CCDC68: variants seen among roughly 807,000 people sequenced by gnomAD.
CCDC68 encodes coiled-coil domain containing 68.
CCDC68 carries 45 observed loss-of-function variants against 47.1 expected under a neutral mutation model. The observed-to-expected ratio is 0.96, with a 90% confidence interval of 0.75 to 1.23. The LOEUF (loss-of-function observed/expected upper bound fraction) is 1.23, where lower values mean the gene tolerates loss of function less well. Ranked by LOEUF, CCDC68 falls within the 50% of genes most tolerant of loss-of-function variation. The probability of loss-of-function intolerance (pLI) is 0.00; values close to 1 mark genes in which losing one functional copy is unlikely to be tolerated. For synonymous variants in CCDC68, 131 were observed against 129.5 expected (o/e 1.01, Z -0.08); for missense variants, 353 against 373.6 (o/e 0.94, Z 0.45).
At position 54,916,811 on chromosome 18, in the gene CCDC68, C is replaced by T. The variant is rs545723376; in HGVS notation, c.873+1102G>A. 1.3e-4 allele frequency among the ~76,000 whole-genome samples: 20 copies of T among 152,298 alleles called. No individual in the cohort carries two copies. The South Asian group carries it at 3.5e-3, about 27-fold the overall frequency. On this transcript the variant is annotated intron_variant, in intron 10 of 11. Coordinates refer to ENST00000591504, the MANE Select transcript of CCDC68 (RefSeq NM_025214.3). ...TCACCTTGAATTGTAATAATCCTCA[C>T]CTGTCAAGGGCAGGGCCAGGTGGAG...
chr18:54,938,194 G>A, intron 4 of CCDC68, 97 bp from the exon 5 acceptor site: 1 of 1,155,268 alleles, frequency 8.7e-7, no homozygotes, highest in Non-Finnish European at 1.2e-6. Context: ...TATCAAAGAA[G>A]CTTCAGATCA....
chr18:54,922,795 C>T (rs192765392), intron 8 of CCDC68, among the ~76,000 whole-genome samples: 76 of 152,050 alleles, frequency 5.0e-4, no homozygotes, highest in African/African-American at 1.6e-3. Context: ...CGAGATCAGC[C>T]TGGCCAACAT....
At chr18:54,929,024 G>C (rs1599056360) in intron 7 of CCDC68, 142 bp from the exon 8 acceptor site, 1 of 626,352 alleles carries the variant, frequency 1.6e-6, no homozygotes, top group Non-Finnish European at 2.8e-6. Context: ...AGGAAACCTG[G>C]CCAAGTATTC....
chr18:54,930,128 ATTTAATCTAGTAC>A (rs1242768625), intron 7 of CCDC68, among the ~76,000 whole-genome samples: 1 of 152,234 alleles, frequency 6.6e-6, no homozygotes, highest in Non-Finnish European at 1.5e-5. Context: ...TTTTTTAAAA[ATTTAATCTAGTAC>A]TCCTATACTA....
chr18:54,904,991 G>A (rs561686297), intron 11 of CCDC68, among the ~76,000 whole-genome samples: 6 of 152,230 alleles, frequency 3.9e-5, no homozygotes, highest in Admixed American at 1.3e-4. Flanking sequence ...TGGATGCAGT[G>A]GCTCATGACT....
intron 10 of CCDC68, among the ~76,000 whole-genome samples, chr18:54,908,724 A>C (rs928667627): frequency 2.0e-5 from 3 of 152,126 alleles, no homozygotes; most frequent in African/African-American, 7.2e-5. Flanking sequence ...TTCTAGTCGA[A>C]GTGCCTTTTT....
Position 54,945,448 on chromosome 18 carries a change from G to A in CCDC68, c.-73C>T, listed in dbSNP as rs1245195778. ...AACCTTGGTCTTTTAGAAGTTCAGA[G>A]ATGTTTCCATCATATTAAGACTGGC... On this transcript the variant is annotated 5_prime_UTR_variant, in exon 2 of 12. Transcript: ENST00000591504. 6.6e-6 allele frequency: 1 copy of A among 152,038 alleles called. No individual in the cohort carries two copies. Among genetic ancestry groups the A allele is most frequent in the African/African-American group, 2.4e-5 (1 of 41,394 alleles). 9.4% of individuals were successfully genotyped at this position (152,038 alleles called of 1,614,324 possible).
intron 4 of CCDC68, among the ~76,000 whole-genome samples, chr18:54,938,413 A>AAC (rs2044384630): frequency 6.6e-6 from 1 of 152,222 alleles, no homozygotes; most frequent in Admixed American, 6.5e-5. Context: ...TTTTTTTAAA[A>AAC]ATCTAAGTTG....
chr18:54,932,751 C>A (rs2044284807), intron 7 of CCDC68, among the ~76,000 whole-genome samples: 1 of 152,236 alleles, frequency 6.6e-6, no homozygotes, highest in African/African-American at 2.4e-5. Context: ...CTGCCAGGAT[C>A]TGAGCCACTG....
At chr18:54,945,286 CTAAT>C (rs1230389043) in intron 2 of CCDC68, 98 bp downstream of exon 2, 1 of 151,992 alleles carries the variant, frequency 6.6e-6, no homozygotes, top group Non-Finnish European at 1.5e-5. Context: ...TAGTAAATAA[CTAAT>C]AATTAAACTA....
chr18:54,917,773 G>A (rs533524223), intron 10 of CCDC68, 140 bp downstream of exon 10: 1 of 650,656 alleles, frequency 1.5e-6, no homozygotes, highest in East Asian at 2.8e-5. Flanking sequence ...TACTCGTAGT[G>A]TTATACAGGC....
chr18:54,942,847 A>C, intron 2 of CCDC68, 44 bp from the exon 3 acceptor site: 1 of 1,028,320 alleles, frequency 9.7e-7, no homozygotes, highest in Non-Finnish European at 1.5e-6. Context: ...GACTGTTTTG[A>C]TTGTATGATT....
At chr18:54,926,289 T>C (rs539314698) in intron 8 of CCDC68, among the ~76,000 whole-genome samples, 36 of 152,176 alleles carry the variant, frequency 2.4e-4, no homozygotes, top group Non-Finnish European at 4.4e-4. Flanking sequence ...CTCAGGAAAC[T>C]TACAGTCATG....
At chr18:54,955,390 G>T (rs1170699473) in intron 1 of CCDC68, among the ~76,000 whole-genome samples, 1 of 152,074 alleles carries the variant, frequency 6.6e-6, no homozygotes, top group Non-Finnish European at 1.5e-5. Context: ...CCCCCAAAAG[G>T]AATTTGCAAT....
intron 10 of CCDC68, among the ~76,000 whole-genome samples, chr18:54,913,640 ATT>A (rs11341657): frequency 1.1e-4 from 16 of 149,714 alleles, no homozygotes; most frequent in African/African-American, 3.2e-4. Context: ...TGTCTCTACA[ATT>A]TTTTTTTTTG....
chr18:54,921,340 A>G (rs113586463), intron 8 of CCDC68, among the ~76,000 whole-genome samples: 181 of 152,310 alleles, frequency 1.2e-3, no homozygotes, highest in African/African-American at 4.1e-3. Context: ...CCACAGGTAA[A>G]ATAAAAGTTG....
intron 1 of CCDC68, among the ~76,000 whole-genome samples, chr18:54,951,853 T>C (rs1470232662): frequency 1.3e-5 from 2 of 152,206 alleles, no homozygotes; most frequent in African/African-American, 4.8e-5. Context: ...AAGACTCTGT[T>C]CCACTTCATC....
chr18:54,952,724 A>T (rs1297202959), intron 1 of CCDC68, among the ~76,000 whole-genome samples: 1 of 152,292 alleles, frequency 6.6e-6, no homozygotes, highest in East Asian at 1.9e-4. Context: ...CTCATTAAGA[A>T]GGAATGGACC....
chr18:54,940,921 G>T (rs1196580052), intron 4 of CCDC68, 76 bp downstream of exon 4: 1 of 969,782 alleles, frequency 1.0e-6, no homozygotes, highest in Non-Finnish European at 1.6e-6. Flanking sequence ...AATCTTCAAA[G>T]AAGTTAGTAA....
Sources: allele counts gnomAD v4.1 joint callset (sites outside exome capture counted in the v4.1 genomes callset), GRCh38; gene constraint gnomAD v4.1.1; transcripts MANE v1.5; gene names NCBI Gene and HGNC (gene_info 2026-07-23, HGNC 2026-07-21).